Variants in RNF212B observed in about 807,000 individuals in gnomAD.
RNF212B encodes the protein ring finger protein 212B.
RNF212B carries 52 observed loss-of-function variants against 55.5 expected under a neutral mutation model. The ratio of observed to expected loss-of-function variants is 0.94; its 90% CI spans 0.75 to 1.18. The LOEUF (loss-of-function observed/expected upper bound fraction) is 1.18, where lower values mean the gene tolerates loss of function less well. RNF212B is among the 50% of genes most tolerant of loss of function. The pLI is 0.00. For synonymous variants in RNF212B, 99 were observed against 121.4 expected, an observed-to-expected ratio of 0.82 and a Z score of 1.21; for missense variants, 289 against 350.4, an observed-to-expected ratio of 0.82 and a Z score of 1.40.
chr14:23,189,235 T>C (rs572708102), intron 1 of RNF212B, among the ~76,000 whole-genome samples: 2 of 152,300 alleles, frequency 1.3e-5, no homozygotes, highest in South Asian at 2.1e-4. Context: ...AAAATGGGAA[T>C]AGGCAGAAGA....
intron 2 of RNF212B, among the ~76,000 whole-genome samples, chr14:23,209,199 G>A (rs1456428356): frequency 2.0e-5 from 3 of 151,020 alleles, no homozygotes; most frequent in Admixed American, 6.6e-5. Flanking sequence ...TGGTGGGAGT[G>A]TAGCAGTAAG....
chr14:23,229,251 T>TAC (rs1882334723), intron 2 of RNF212B, among the ~76,000 whole-genome samples: 1 of 133,720 alleles, frequency 7.5e-6, no homozygotes, highest in Non-Finnish European at 1.6e-5. Flanking sequence ...TATATATATA[T>TAC]ATATATATAT....
At position 23,227,396 on chromosome 14, in the gene RNF212B, C is replaced by G. The variant is rs75063414; in HGVS notation, c.-1-12949C>G. Among the ~76,000 whole-genome samples the G allele has an allele frequency of 7.7e-3, 1,170 of 151,946 alleles. 19 individuals carry two copies. The highest frequency in any genetic ancestry group is 0.027 in the African/African-American group (1,114 of 41,446). On this transcript the variant is annotated intron_variant, in intron 2 of 15. Transcript: ENST00000399910. Reference sequence around the variant, plus strand: ...CTTTAGGGGAGATGGTGTATGGAAGCGGGCACAGGGGTTTTCTGGGTGCTG... The same window carrying G: ...CTTTAGGGGAGATGGTGTATGGAAGGGGGCACAGGGGTTTTCTGGGTGCTG...
At chr14:23,223,050 G>A (rs1282295509) in intron 2 of RNF212B, among the ~76,000 whole-genome samples, 55 of 55,700 alleles carry the variant, frequency 9.9e-4, no homozygotes, top group African/African-American at 2.7e-3. Flanking sequence ...GTGAAACTCC[G>A]TCTCAAAAAA....
chr14:23,248,134 G>C (rs1884121664), intron 4 of RNF212B, among the ~76,000 whole-genome samples: 1 of 151,856 alleles, frequency 6.6e-6, no homozygotes, highest in South Asian at 2.1e-4. Context: ...TTTTGAGACA[G>C]GGTCTCACTC....
intron 11 of RNF212B, among the ~76,000 whole-genome samples, chr14:23,265,406 A>AATT (rs1958919460): frequency 6.6e-6 from 1 of 152,170 alleles, no homozygotes; most frequent in Non-Finnish European, 1.5e-5. Context: ...CTGCTTACTT[A>AATT]ATTTCTTACC....
intron 2 of RNF212B, among the ~76,000 whole-genome samples, chr14:23,197,586 A>T (rs554983958): frequency 3.9e-5 from 6 of 152,190 alleles, no homozygotes; most frequent in African/African-American, 1.4e-4. Context: ...CAAATTAAAA[A>T]TTATTTAAAA....
chr14:23,260,666 C>T lies in RNF212B; in HGVS notation c.413C>T (p.Pro138Leu), dbSNP rs555792485. Residue 138 changes from proline to leucine, a missense_variant, in exon 7 of 15, where the codon CCA (proline) becomes CTA (leucine). Coordinates refer to ENST00000430154, the MANE Select transcript of RNF212B (RefSeq NM_001282322.3). ...TGGTTTTTTCACCTATAGGAATCTCCAAGTCGGTACCAAGGAAGCAGGTCA... is the reference window on the plus strand; with the variant it reads ...TGGTTTTTTCACCTATAGGAATCTCTAAGTCGGTACCAAGGAAGCAGGTCA... ...KKFLAILKES[P>L]SRYQGSRSIT... is the part of the protein sequence containing the mutation. 6.4e-7 allele frequency: 1 copy of T among 1,550,402 alleles called. No individual in the cohort carries two copies. The highest frequency in any genetic ancestry group is 8.7e-7 in the Non-Finnish European group (1 of 1,146,924).
At chr14:23,262,440 C>T (rs1181818566) in intron 7 of RNF212B, among the ~76,000 whole-genome samples, 1 of 152,158 alleles carries the variant, frequency 6.6e-6, no homozygotes, top group East Asian at 1.9e-4. Context: ...TTATGGGCAA[C>T]ACAGAGGTGG....
At chr14:23,260,620 A>T (rs1885224408) in intron 6 of RNF212B, 39 bp from the exon 7 acceptor site, 1 of 1,543,028 alleles carries the variant, frequency 6.5e-7, no homozygotes, top group Non-Finnish European at 8.8e-7. Context: ...TAGGATCCTC[A>T]GTTGCAGCTT....
At chr14:23,255,602 T>A (rs1431572259) in intron 4 of RNF212B, among the ~76,000 whole-genome samples, 1 of 152,178 alleles carries the variant, frequency 6.6e-6, no homozygotes, top group African/African-American at 2.4e-5. Flanking sequence ...TAATCACACC[T>A]TTAAGAAAAA....
intron 2 of RNF212B, among the ~76,000 whole-genome samples, chr14:23,228,438 C>A (rs1395586633): frequency 7.9e-6 from 1 of 127,324 alleles, no homozygotes; most frequent in Admixed American, 8.9e-5. Context: ...CAGCCTGGCC[C>A]ACATAGTAAA....
chr14:23,187,870 A>C (rs1195300770), intron 1 of RNF212B, among the ~76,000 whole-genome samples: 1 of 152,206 alleles, frequency 6.6e-6, no homozygotes, highest in Non-Finnish European at 1.5e-5. Flanking sequence ...TTCCTGAGCC[A>C]GTAGTTTTAG....
intron 4 of RNF212B, among the ~76,000 whole-genome samples, chr14:23,248,906 A>C (rs1884204143): frequency 6.6e-6 from 1 of 152,204 alleles, no homozygotes; most frequent in African/African-American, 2.4e-5. Flanking sequence ...CAGGCCAGTA[A>C]ATATTTTAAG....
intron 1 of RNF212B, among the ~76,000 whole-genome samples, chr14:23,189,383 A>G (rs1877898879): frequency 6.6e-6 from 1 of 151,988 alleles, no homozygotes; most frequent in Non-Finnish European, 1.5e-5. Context: ...TAGCTTCCCT[A>G]TCCTATCTCC....
intron 2 of RNF212B, among the ~76,000 whole-genome samples, chr14:23,200,595 G>A (rs1196090676): frequency 6.6e-6 from 1 of 152,062 alleles, no homozygotes; most frequent in Non-Finnish European, 1.5e-5. Flanking sequence ...CAAAGTGCTG[G>A]GATTACAGGT....
At chr14:23,220,327 T>C (rs142194185) in intron 2 of RNF212B, among the ~76,000 whole-genome samples, 11 of 149,072 alleles carry the variant, frequency 7.4e-5, no homozygotes, top group Admixed American at 3.3e-4. Flanking sequence ...AGGCCCAGAG[T>C]TCAAGACCAG....
At chr14:23,260,345 A>G (rs1298340016) in intron 6 of RNF212B, among the ~76,000 whole-genome samples, 1 of 152,292 alleles carries the variant, frequency 6.6e-6, no homozygotes, top group African/African-American at 2.4e-5. Flanking sequence ...TAATTTTCCT[A>G]TTGATCCTAC....
intron 2 of RNF212B, among the ~76,000 whole-genome samples, chr14:23,230,436 C>T (rs1288036617): frequency 6.6e-6 from 1 of 152,058 alleles, no homozygotes; most frequent in East Asian, 1.9e-4. Flanking sequence ...GGGTGGATCA[C>T]GAGGTCAAGA....
Sources: allele counts gnomAD v4.1 joint callset (sites outside exome capture counted in the v4.1 genomes callset), GRCh38; gene constraint gnomAD v4.1.1; transcripts MANE v1.5; gene names NCBI Gene and HGNC (gene_info 2026-07-23, HGNC 2026-07-21).